Variants in LRP1B observed in about 807,000 individuals in gnomAD.
LRP1B encodes low-density lipoprotein receptor-related protein 1B.
In LRP1B, 217 loss-of-function variants were observed where a neutral mutation model predicts 556.6. That is an observed-to-expected ratio of 0.39 (90% CI 0.35 to 0.44). LRP1B has a LOEUF of 0.44. Among genes scored for constraint, LRP1B ranks in the 20% least tolerant of loss-of-function variants. The pLI, the probability that LRP1B is intolerant of heterozygous loss-of-function variation, is 1.00. For missense variants in LRP1B, 5,053 were observed against 5,620.8 expected (o/e 0.90, Z 3.23); for synonymous variants, 2,047 against 1,865.8 (o/e 1.10, Z -2.50).
At chr2:141,946,832 C>T (rs180686551) in intron 1 of LRP1B, among the ~76,000 whole-genome samples, 31 of 152,128 alleles carry the variant, frequency 2.0e-4, no homozygotes, top group Admixed American at 1.8e-3. Context: ...TTTAAAGTAA[C>T]TTTAATCAAA....
intron 59 of LRP1B, among the ~76,000 whole-genome samples, chr2:140,475,945 C>G (rs1687955720): frequency 6.6e-6 from 1 of 151,956 alleles, no homozygotes; most frequent in South Asian, 2.1e-4. Context: ...ATATGGAGCA[C>G]TTCCATTATC....
intron 18 of LRP1B, 69 bp from the exon 19 acceptor site, chr2:140,952,009 C>T (rs2105303273): frequency 9.0e-7 from 1 of 1,111,938 alleles, no homozygotes; most frequent in Non-Finnish European, 1.4e-6. Flanking sequence ...TTCGTATCAT[C>T]TGATAATGTG....
intron 2 of LRP1B, among the ~76,000 whole-genome samples, chr2:141,507,870 G>A (rs925806560): frequency 1.3e-5 from 2 of 151,944 alleles, no homozygotes; most frequent in African/African-American, 4.8e-5. Context: ...TGGATCACCT[G>A]AGGTCAGGAG....
intron 43 of LRP1B, among the ~76,000 whole-genome samples, chr2:140,545,139 G>GTT (rs35863628): frequency 0.028 from 4,028 of 143,444 alleles, 69 homozygotes; most frequent in African/African-American, 0.046. Flanking sequence ...ATTTTTATGA[G>GTT]TTTTTTTTTT....
At chr2:141,744,121 C>A (rs1402294518) in intron 2 of LRP1B, among the ~76,000 whole-genome samples, 1 of 151,938 alleles carries the variant, frequency 6.6e-6, no homozygotes, top group African/African-American at 2.4e-5. Context: ...GATTTAGGCA[C>A]CATAGCCATA....
chr2:140,967,349 T>C (rs553391895), intron 18 of LRP1B, among the ~76,000 whole-genome samples: 4,471 of 132,622 alleles, frequency 0.034, 178 homozygotes, highest in African/African-American at 0.095. Context: ...CTGTCTGTTA[T>C]TGGTGTATAA....
At chr2:141,242,702 T>C (rs80306347) in intron 5 of LRP1B, among the ~76,000 whole-genome samples, 2,763 of 152,208 alleles carry the variant, frequency 0.018, 41 homozygotes, top group Non-Finnish European at 0.024. Flanking sequence ...AGAGTGATGA[T>C]CATAAAATTA....
intron 2 of LRP1B, among the ~76,000 whole-genome samples, chr2:141,740,089 C>G (rs1218154977): frequency 6.6e-6 from 1 of 151,986 alleles, no homozygotes; most frequent in African/African-American, 2.4e-5. Flanking sequence ...TACTCAAAAC[C>G]ATCATTGTTT....
chr2:140,394,195 C>T (rs1436608002), intron 66 of LRP1B, among the ~76,000 whole-genome samples: 2 of 142,104 alleles, frequency 1.4e-5, no homozygotes, highest in Non-Finnish European at 3.0e-5. Flanking sequence ...TTTTAATCAG[C>T]TTTCATTTTT....
At chr2:141,782,591 T>TA (rs140621032) in intron 2 of LRP1B, among the ~76,000 whole-genome samples, 1,490 of 147,074 alleles carry the variant, frequency 0.01, 33 homozygotes, top group African/African-American at 0.037. Context: ...TAACACTCAT[T>TA]AAAAAAAGAC....
chr2:140,598,113 G>A (rs751042566), intron 43 of LRP1B, among the ~76,000 whole-genome samples: 1 of 152,140 alleles, frequency 6.6e-6, no homozygotes, highest in Non-Finnish European at 1.5e-5. Context: ...GGATAGCATA[G>A]CAACTCTTCC....
At chr2:141,544,334 C>CCTCTTCTTCTTCTTCTTCTT (rs1685427899) in intron 2 of LRP1B, among the ~76,000 whole-genome samples, 4 of 66,388 alleles carry the variant, frequency 6.0e-5, no homozygotes, top group Admixed American at 1.9e-4. Context: ...TCTTCTTCTT[C>CCTCTTCTTCTTCTTCTTCTT]TTCTTCTTCT....
chr2:140,653,101 C>T (rs889585876), intron 41 of LRP1B, among the ~76,000 whole-genome samples: 1 of 151,932 alleles, frequency 6.6e-6, no homozygotes, highest in Non-Finnish European at 1.5e-5. Flanking sequence ...ATGTAGGAAA[C>T]ATTTAACATT....
Position 141,058,886 on chromosome 2 carries a change from T to C in LRP1B, c.1405A>G (p.Thr469Ala), listed in dbSNP as rs2105462496. 8.2e-6 allele frequency: 13 copies of C among 1,583,620 alleles called. No homozygotes were observed. The highest frequency in any genetic ancestry group is 1.1e-5 in the Non-Finnish European group (13 of 1,167,152). Residue 469 changes from threonine to alanine, a missense_variant, in exon 9 of 91, where the codon ACA (threonine) becomes GCA (alanine). Around this residue, in one of 5 missense-constraint regions of LRP1B, gnomAD observed 3,619 missense variants for 3,931.9 expected, o/e 0.92. Transcript: ENST00000389484. ...IRIYQKRTQP[T>A]VRSHACEVDP... The stretch of plus-strand genomic sequence containing the variant: ...ATAAAGAAGCTTTCCCACTTACCTG[T>C]TGGTTGAGTTCTTTTTTGATAAATT...
chr2:141,424,631 GTATT>G (rs1680281154), intron 3 of LRP1B, among the ~76,000 whole-genome samples: 1 of 152,148 alleles, frequency 6.6e-6, no homozygotes, highest in Non-Finnish European at 1.5e-5. Context: ...GTGATATGAT[GTATT>G]TAAATGCTCC....
At chr2:141,403,964 G>C (rs1162871475) in intron 3 of LRP1B, among the ~76,000 whole-genome samples, 2 of 152,116 alleles carry the variant, frequency 1.3e-5, no homozygotes, top group Non-Finnish European at 2.9e-5. Context: ...TCCTTCCAAA[G>C]AATGAGAAGG....
At chr2:140,958,936 T>C (rs987082052) in intron 18 of LRP1B, among the ~76,000 whole-genome samples, 1 of 150,648 alleles carries the variant, frequency 6.6e-6, no homozygotes, top group African/African-American at 2.4e-5. Context: ...ACCAGAAAAA[T>C]ATAAGAGGGA....
intron 1 of LRP1B, among the ~76,000 whole-genome samples, chr2:141,936,506 G>A (rs889249889): frequency 1.1e-4 from 16 of 152,258 alleles, no homozygotes; most frequent in African/African-American, 3.9e-4. Context: ...CAAGGAGAGA[G>A]GCCGCCGAAT....
chr2:140,575,942 C>CA (rs34028780), intron 43 of LRP1B, among the ~76,000 whole-genome samples: 18,897 of 149,428 alleles, frequency 0.13, 1,266 homozygotes, highest in East Asian at 0.23. Context: ...AAACAAAAAA[C>CA]AAAAAAAAAG....
Sources: gnomAD v4.1 joint callset for allele counts (sites outside exome capture counted in the v4.1 genomes callset) on GRCh38, gnomAD v4.1.1 for gene constraint, gnomAD v4.1.1 regional missense constraint, MANE v1.5 for transcripts, NCBI Gene and HGNC (gene_info 2026-07-23, HGNC 2026-07-21) for gene names.